SNRPD3: variants seen among roughly 807,000 people sequenced by gnomAD.
The protein encoded by SNRPD3 is small nuclear ribonucleoprotein D3 polypeptide, also known as small nuclear ribonucleoprotein Sm D3.
For synonymous variants in SNRPD3, 66 were observed against 58.4 expected (o/e 1.13, Z -0.59); for missense variants, 73 against 167.5 (o/e 0.44, Z 3.11).
chr22:24,558,327 C>G (rs2045100472), intron 2 of SNRPD3, among the ~76,000 whole-genome samples: 2 of 152,190 alleles, frequency 1.3e-5, no homozygotes, highest in South Asian at 4.1e-4. Context: ...GAGTAGTTTC[C>G]TGATATGGTG....
At chr22:24,555,761 T>G, upstream of SNRPD3, 1 of 1,550,530 alleles carries the variant, frequency 6.4e-7, no homozygotes, top group Non-Finnish European at 8.7e-7. Flanking sequence ...CTTGGAAGTG[T>G]GAGCACCCTC....
intron 2 of SNRPD3, among the ~76,000 whole-genome samples, chr22:24,561,516 T>C (rs1416467688): frequency 1.3e-5 from 2 of 152,106 alleles, no homozygotes; most frequent in East Asian, 1.9e-4. Flanking sequence ...CCTAGGCACA[T>C]TGAATAAGAG....
chr22:24,560,222 T>G (rs1419300131), intron 2 of SNRPD3, among the ~76,000 whole-genome samples: 2 of 145,066 alleles, frequency 1.4e-5, no homozygotes, highest in Non-Finnish European at 3.0e-5. Flanking sequence ...GTTCAAGCGA[T>G]TCTCCTGCCT....
In SNRPD3 at chr22:24,556,034, C is replaced by A; in HGVS notation, c.-56C>A. ...CTCACGCCTTCGCCGTAGCATCTTT[C>A]GCAGCGGACCGAAGAGAAGAAAAGT... On this transcript the variant is annotated 5_prime_UTR_variant, in exon 1 of 4. Transcript: ENST00000215829. 3.2e-6 allele frequency: 2 copies of A among 624,668 alleles called. No homozygotes were observed. The highest frequency in any genetic ancestry group is 5.5e-5 in the East Asian group (2 of 36,332). The allele number at this position is 624,668 out of a possible 1,614,324, so 38.7% of individuals were successfully genotyped here. A position where few individuals can be genotyped will look rare whatever the true frequency, so the allele number is the denominator to read the frequency against.
At chr22:24,555,912 A>C (rs1158587706), upstream of SNRPD3, 1 of 1,367,546 alleles carries the variant, frequency 7.3e-7, no homozygotes, top group African/African-American at 1.4e-5. Context: ...CGGAGGCGAG[A>C]CCGCGCTCAA....
chr22:24,568,276 T>C, intron 3 of SNRPD3, 100 bp downstream of exon 3: 1 of 869,640 alleles, frequency 1.1e-6, no homozygotes, highest in Non-Finnish European at 1.8e-6. Flanking sequence ...GTTTGACCTC[T>C]GCTCTCTCCA....
intron 3 of SNRPD3, among the ~76,000 whole-genome samples, chr22:24,570,125 T>C (rs1243167962): frequency 6.6e-6 from 1 of 152,230 alleles, no homozygotes; most frequent in African/African-American, 2.4e-5. Context: ...GTCCAGATTC[T>C]TTTTGGCCTC....
chr22:24,570,481 G>A (rs1382026168), intron 3 of SNRPD3, among the ~76,000 whole-genome samples: 2 of 152,018 alleles, frequency 1.3e-5, no homozygotes, highest in East Asian at 1.9e-4. Flanking sequence ...TCAGGAGTTC[G>A]AGACCAGCCT....
intron 2 of SNRPD3, among the ~76,000 whole-genome samples, chr22:24,564,308 T>G (rs555992284): frequency 6.6e-6 from 1 of 152,300 alleles, no homozygotes; most frequent in East Asian, 1.9e-4. Flanking sequence ...CACCACTTTG[T>G]GCTACAAAGA....
Position 24,574,612 on chromosome 22 carries a change from C to T in SNRPD3, c.*2635C>T, listed in dbSNP as rs922239546. On this transcript the variant is annotated 3_prime_UTR_variant, in exon 4 of 4. Transcript: ENST00000215829. Reference sequence around the variant, plus strand: ...CGGGAGTGCAATGGCACAATCATGGCTCACTGCAGCCTCAACCTTCTCGGG... The same window carrying T: ...CGGGAGTGCAATGGCACAATCATGGTTCACTGCAGCCTCAACCTTCTCGGG... Among the ~76,000 whole-genome samples, 16 of 152,216 alleles carry T rather than the reference C, an allele frequency of 1.1e-4. No homozygotes were observed. Among genetic ancestry groups the T allele is most frequent in the African/African-American group, 3.6e-4 (15 of 41,444 alleles).
In SNRPD3 at chr22:24,561,064, C is replaced by CTTTTTTTTTTTTTTTTTTT. The variant is rs1164120857; in HGVS notation, c.126+3271_126+3289dup. 6.2e-4 allele frequency among the ~76,000 whole-genome samples: 38 copies of CTTTTTTTTTTTTTTTTTTT among 61,688 alleles called. 2 individuals carry two copies. Among genetic ancestry groups the CTTTTTTTTTTTTTTTTTTT allele is most frequent in the South Asian group, 1.5e-3 (2 of 1,360 alleles). 40.5% of individuals were successfully genotyped at this position (61,688 alleles called of 152,430 possible). ...TTTTTTTTCTTTTCCTTTTTCTTTT[C>CTTTTTTTTTTTTTTTTTTT]TTTTTTTTTTTTTTTTTTTTTTTTT... On this transcript the variant is annotated intron_variant, in intron 2 of 3. Coordinates refer to ENST00000215829, the MANE Select transcript of SNRPD3 (RefSeq NM_004175.5).
chr22:24,568,135 C>T lies in SNRPD3; in HGVS notation c.278C>T (p.Ser93Leu). 6.2e-7 allele frequency: 1 copy of T among 1,613,890 alleles called. No homozygotes were observed. The highest frequency in any genetic ancestry group is 8.5e-7 in the Non-Finnish European group (1 of 1,179,910). The change falls in exon 3 of 4, where the codon TCA (serine) becomes TTA (leucine). Residue 93 changes from serine to leucine, a missense_variant. By Grantham distance (145) the Ser-to-Leu change is moderately radical (BLOSUM62 -2). Transcript: ENST00000215829. The stretch of plus-strand genomic sequence containing the variant: ...AGCATGAAAAATAAAAACCAAGGCT[C>T]AGGGGCTGGCCGAGGAAAAGCTGCT... ...LKSMKNKNQGSGAGRGKAAIL... is the reference protein window; with the variant it reads ...LKSMKNKNQGLGAGRGKAAIL...
rs1569024539 is a variant in SNRPD3, at chr22:24,560,715, C to CCTTTTTTTTTT, written c.126+2915_126+2916insCTTTTTTTTTT. Among the ~76,000 whole-genome samples, 6 of 98,864 alleles carry CCTTTTTTTTTT rather than the reference C, an allele frequency of 6.1e-5. 3 individuals are homozygous for CCTTTTTTTTTT. Among genetic ancestry groups the CCTTTTTTTTTT allele is most frequent in the Non-Finnish European group, 3.7e-5 (2 of 53,526 alleles). The allele number at this position is 98,864 out of a possible 152,430, so 64.9% of individuals were successfully genotyped here. A position where few individuals can be genotyped will look rare whatever the true frequency, so the allele number is the denominator to read the frequency against. On this transcript the variant is annotated intron_variant, in intron 2 of 3. Transcript: ENST00000215829. ...ACAGGCGTGAGCCACTGCACCTGGCCTTTTTTTTTTTTTTTTTTTTTTTTT... is the reference window on the plus strand; with the variant it reads ...ACAGGCGTGAGCCACTGCACCTGGCCCTTTTTTTTTTTTTTTTTTTTTTTTTTTTTTTTTTT...
At chr22:24,564,164 T>C (rs1239258193) in intron 2 of SNRPD3, among the ~76,000 whole-genome samples, 5 of 152,220 alleles carry the variant, frequency 3.3e-5, no homozygotes, top group Non-Finnish European at 7.3e-5. Flanking sequence ...CAAGCACCTC[T>C]GCCTTTGTGT....
intron 2 of SNRPD3, among the ~76,000 whole-genome samples, chr22:24,560,428 C>CTT (rs60835175): frequency 4.1e-5 from 2 of 49,074 alleles, no homozygotes; most frequent in African/African-American, 8.0e-5. Context: ...AGCTTGCTTG[C>CTT]TTTTTTTTTT....
chr22:24,559,747 G>A (rs1229202077), intron 2 of SNRPD3, among the ~76,000 whole-genome samples: 1 of 152,102 alleles, frequency 6.6e-6, no homozygotes, highest in Non-Finnish European at 1.5e-5. Context: ...GACCAATGGT[G>A]GGGGACAGCC....
In SNRPD3 at chr22:24,557,725, T is replaced by A; in HGVS notation, c.51T>A (p.Ile17=). 1.2e-6 allele frequency: 2 copies of A among 1,612,052 alleles called. No homozygotes were observed. Among genetic ancestry groups the A allele is most frequent in the Non-Finnish European group, 1.7e-6 (2 of 1,178,560 alleles). Reference sequence around the variant, plus strand: ...TACTGCATGAGGCCGAGGGCCACATTGTGACATGTGAGACGAACACCGGTG... The same window carrying A: ...TACTGCATGAGGCCGAGGGCCACATAGTGACATGTGAGACGAACACCGGTG... The part of the protein sequence containing the change: ...IKVLHEAEGH[I]VTCETNTGEV... The change falls in exon 2 of 4, where the codon ATT becomes ATA. Residue 17 remains isoleucine, a synonymous_variant. Coordinates refer to ENST00000215829, the MANE Select transcript of SNRPD3 (RefSeq NM_004175.5).
chr22:24,570,999 AGTAGAGAAGGG>A (rs1415546943), intron 3 of SNRPD3, among the ~76,000 whole-genome samples: 1 of 151,996 alleles, frequency 6.6e-6, no homozygotes, highest in East Asian at 1.9e-4. Flanking sequence ...TTGTGTGTTC[AGTAGAGAAGGG>A]GTTTTGCCAT....
At chr22:24,566,872 T>G (rs542349119) in intron 2 of SNRPD3, among the ~76,000 whole-genome samples, 1 of 152,350 alleles carries the variant, frequency 6.6e-6, no homozygotes, top group East Asian at 1.9e-4. Context: ...CAGTCTATCC[T>G]TGTTGCCACA....
Sources: allele counts gnomAD v4.1 joint callset (sites outside exome capture counted in the v4.1 genomes callset), GRCh38; gene constraint gnomAD v4.1.1; transcripts MANE v1.5; gene names NCBI Gene and HGNC (gene_info 2026-07-23, HGNC 2026-07-21).